Variants in LRRC37A2 observed in about 807,000 individuals in gnomAD.
LRRC37A2 encodes the protein leucine rich repeat containing 37 member A2.
LRRC37A2 carries 9 observed loss-of-function variants against 68.8 expected under a neutral mutation model. The observed-to-expected ratio is 0.13, with a 90% confidence interval of 0.08 to 0.23. The LOEUF is 0.23. LRRC37A2 is among the 10% of genes least tolerant of loss of function. LRRC37A2 has a pLI of 1.00. For synonymous variants in LRRC37A2, 63 were observed against 367.6 expected, an observed-to-expected ratio of 0.17 and a Z score of 9.48; for missense variants, 168 against 950.4, an observed-to-expected ratio of 0.18 and a Z score of 10.82.
the LRRC37A2 span, among the ~76,000 whole-genome samples, chr17:46,740,674 T>C: frequency 6.6e-6 from 1 of 151,906 alleles, no homozygotes; most frequent in Non-Finnish European, 1.5e-5. Flanking sequence ...TTTTTTTTTT[T>C]TTTGGACACC....
chr17:46,769,316 A>C, the LRRC37A2 span, among the ~76,000 whole-genome samples: 1 of 30,972 alleles, frequency 3.2e-5, no homozygotes, highest in Non-Finnish European at 6.6e-5. Flanking sequence ...ACTCCGTCTC[A>C]AAAAAAAAAA....
At chr17:46,812,291 G>GA in the LRRC37A2 span, among the ~76,000 whole-genome samples, 4 of 152,220 alleles carry the variant, frequency 2.6e-5, no homozygotes, top group Admixed American at 2.6e-4. Context: ...GGAGGAGGCA[G>GA]AAGTCTGGCC....
chr17:46,431,974 TTC>T, the LRRC37A2 span, among the ~76,000 whole-genome samples: 124 of 14,112 alleles, frequency 8.8e-3, 53 homozygotes, highest in Admixed American at 0.011. Flanking sequence ...GGTTGGTGTT[TTC>T]TCCCGCGTTA....
At chr17:46,999,594 C>A in the LRRC37A2 span, among the ~76,000 whole-genome samples, 6 of 152,058 alleles carry the variant, frequency 3.9e-5, no homozygotes, top group Non-Finnish European at 7.4e-5. Context: ...AAGTGATCCG[C>A]CCACCTTGGC....
At chr17:46,775,609 C>CTT in the LRRC37A2 span, among the ~76,000 whole-genome samples, 664 of 111,490 alleles carry the variant, frequency 6.0e-3, 10 homozygotes, top group African/African-American at 0.015. Context: ...GCCAGAAGTT[C>CTT]TTTTTTTTTT....
chr17:46,880,716 A>G, the LRRC37A2 span, among the ~76,000 whole-genome samples: 1 of 152,136 alleles, frequency 6.6e-6, no homozygotes, highest in Non-Finnish European at 1.5e-5. Context: ...CCTCCAAAGT[A>G]TGGGATTTTT....
chr17:46,690,681 CT>C, the LRRC37A2 span, among the ~76,000 whole-genome samples: 3 of 104,080 alleles, frequency 2.9e-5, 1 homozygote, highest in African/African-American at 1.1e-4. Context: ...AATACCTGTA[CT>C]GAAAAACAGG....
At chr17:46,398,548 A>AT in the LRRC37A2 span, among the ~76,000 whole-genome samples, 1 of 98,742 alleles carries the variant, frequency 1.0e-5, no homozygotes, top group Non-Finnish European at 2.1e-5. Context: ...TTTAGTTTTT[A>AT]TTTTTTTGTA....
chr17:46,936,827 G>A, the LRRC37A2 span: 36 of 984,986 alleles, frequency 3.7e-5, no homozygotes, highest in Admixed American at 2.2e-3. Context: ...TGGCAATGAA[G>A]TTTGACTTGT....
the LRRC37A2 span, among the ~76,000 whole-genome samples, chr17:46,945,971 T>A: frequency 2.0e-5 from 3 of 152,152 alleles, no homozygotes; most frequent in African/African-American, 7.2e-5. Context: ...CATTTCTTTT[T>A]TCCCCCTGTG....
chr17:46,876,893 T>A, the LRRC37A2 span: 15 of 1,381,762 alleles, frequency 1.1e-5, no homozygotes, highest in Non-Finnish European at 1.4e-5. Context: ...TTTGCCTCCC[T>A]CGATACTCAA....
chr17:46,993,285 A>G, the LRRC37A2 span, among the ~76,000 whole-genome samples: 1 of 152,210 alleles, frequency 6.6e-6, no homozygotes, highest in African/African-American at 2.4e-5. Context: ...ATCCCAACAG[A>G]GGCAGATCCC....
the LRRC37A2 span, among the ~76,000 whole-genome samples, chr17:46,815,704 A>C: frequency 6.6e-6 from 1 of 152,146 alleles, no homozygotes; most frequent in Admixed American, 6.5e-5. Context: ...CAGTGACTCT[A>C]GTGCCTGGAC....
the LRRC37A2 span, chr17:46,886,588 A>G: frequency 2.4e-4 from 36 of 152,196 alleles, no homozygotes; most frequent in African/African-American, 8.2e-4. Context: ...GCTGTAACCA[A>G]TTAAGCTGTA....
chr17:46,409,695 C>T, the LRRC37A2 span, among the ~76,000 whole-genome samples: 3 of 128,450 alleles, frequency 2.3e-5, no homozygotes. Context: ...TCACATAAAG[C>T]GTCAAGTTAT....
chr17:46,816,400 G>A, the LRRC37A2 span, among the ~76,000 whole-genome samples: 1 of 149,142 alleles, frequency 6.7e-6, no homozygotes, highest in African/African-American at 2.5e-5. Flanking sequence ...CCAGTTGCAG[G>A]CACAAACACT....
chr17:46,992,131 C>T, the LRRC37A2 span, among the ~76,000 whole-genome samples: 1 of 151,652 alleles, frequency 6.6e-6, no homozygotes, highest in South Asian at 2.1e-4. Context: ...GAGGCTGAGG[C>T]GAGTGGATCA....
the LRRC37A2 span, among the ~76,000 whole-genome samples, chr17:46,790,645 T>C: frequency 6.6e-6 from 1 of 152,118 alleles, no homozygotes. Context: ...CAACCTCTGG[T>C]CTTGTCCACT....
At chr17:46,770,959 C>G in the LRRC37A2 span, among the ~76,000 whole-genome samples, 1 of 152,268 alleles carries the variant, frequency 6.6e-6, no homozygotes, top group Non-Finnish European at 1.5e-5. Context: ...CCGGAGGTGA[C>G]TCGCCACCTG....
Sources: allele counts gnomAD v4.1 joint callset (sites outside exome capture counted in the v4.1 genomes callset), GRCh38; gene constraint gnomAD v4.1.1; transcripts MANE v1.5; gene names NCBI Gene and HGNC (gene_info 2026-07-23, HGNC 2026-07-21).